Variants in DOCK8 observed in about 807,000 individuals in gnomAD.
DOCK8 encodes dedicator of cytokinesis protein 8.
DOCK8 carries 141 observed loss-of-function variants against 245.6 expected under a neutral mutation model. That is an observed-to-expected ratio of 0.57 (90% CI 0.50 to 0.66). The LOEUF (loss-of-function observed/expected upper bound fraction) is 0.66, where lower values mean the gene tolerates loss of function less well. Among genes scored for constraint, DOCK8 ranks in the 30% least tolerant of loss-of-function variants. DOCK8 has a pLI of 0.00. For synonymous variants in DOCK8, 1,168 were observed against 970.2 expected (o/e 1.20, Z -3.79); for missense variants, 2,965 against 2,603.4 (o/e 1.14, Z -3.02).
chr9:336,298 G>T (rs1293898292), intron 11 of DOCK8, among the ~76,000 whole-genome samples: 2 of 152,234 alleles, frequency 1.3e-5, no homozygotes, highest in Non-Finnish European at 2.9e-5. Context: ...TCTGGCTATA[G>T]CTCTGGACTC....
chr9:446,455 A>C lies in DOCK8; in HGVS notation c.5666A>C (p.Asn1889Thr). 5 of 1,614,040 alleles carry C rather than the reference A, an allele frequency of 3.1e-6. No homozygotes were observed. Among genetic ancestry groups the C allele is most frequent in the Non-Finnish European group, 4.2e-6 (5 of 1,180,006 alleles). Residue 1889 changes from asparagine (N) to threonine (T), a missense_variant, in exon 44 of 48, where the codon AAC (asparagine) becomes ACC (threonine). Transcript: ENST00000432829. ...GTCACATACTTTGAGAAGAATTTCA[A>C]CCTCCGGAGGTTCATGTACACCACC... ...DRVTYFEKNF[N>T]LRRFMYTTPF...
chr9:452,366 A>G, intron 46 of DOCK8: 1 of 289,278 alleles, frequency 3.5e-6, no homozygotes, highest in Non-Finnish European at 6.5e-6. Context: ...TTGAACTACT[A>G]ATGAGTAACT....
intron 24 of DOCK8, among the ~76,000 whole-genome samples, chr9:392,281 A>G (rs1241697434): frequency 6.6e-6 from 1 of 152,184 alleles, no homozygotes; most frequent in Non-Finnish European, 1.5e-5. Context: ...AAGGAAACAA[A>G]TGAACCATCC....
At chr9:217,547 G>A (rs1038161860) in intron 1 of DOCK8, among the ~76,000 whole-genome samples, 7 of 152,304 alleles carry the variant, frequency 4.6e-5, no homozygotes, top group African/African-American at 1.7e-4. Flanking sequence ...AAAATGGATT[G>A]GAAATTCGTA....
intron 2 of DOCK8, among the ~76,000 whole-genome samples, chr9:275,015 G>T (rs1308962065): frequency 2.6e-5 from 4 of 152,214 alleles, no homozygotes; most frequent in Non-Finnish European, 5.9e-5. Flanking sequence ...TTTTGCAAGA[G>T]TGAAGAGCTT....
intron 1 of DOCK8, among the ~76,000 whole-genome samples, chr9:257,865 G>C (rs1164967910): frequency 6.6e-6 from 1 of 152,220 alleles, no homozygotes; most frequent in Non-Finnish European, 1.5e-5. Context: ...CTAGAGTTTA[G>C]GATTCAGTAG....
chr9:326,919 A>G (rs1389890784), intron 8 of DOCK8, among the ~76,000 whole-genome samples: 2 of 152,220 alleles, frequency 1.3e-5, no homozygotes, highest in African/African-American at 2.4e-5. Flanking sequence ...ACTCACCACT[A>G]AAATTCTCAT....
chr9:402,471 C>A (rs555628096), intron 26 of DOCK8, among the ~76,000 whole-genome samples: 57 of 152,302 alleles, frequency 3.7e-4, no homozygotes, highest in African/African-American at 1.3e-3. Context: ...CTGTGTCTGC[C>A]AGTGACATCC....
intron 1 of DOCK8, among the ~76,000 whole-genome samples, chr9:253,242 A>G (rs571793815): frequency 1.3e-5 from 2 of 152,158 alleles, no homozygotes; most frequent in African/African-American, 4.8e-5. Context: ...ACTAAGGTTT[A>G]GTTTGTATGT....
intron 40 of DOCK8, among the ~76,000 whole-genome samples, chr9:440,176 A>T (rs1054652237): frequency 4.6e-5 from 7 of 151,896 alleles, no homozygotes; most frequent in Non-Finnish European, 1.0e-4. Flanking sequence ...GCACCACCAC[A>T]CTCGGCCAAT....
chr9:446,672 C>G, intron 44 of DOCK8, 66 bp downstream of exon 44: 2 of 1,410,904 alleles, frequency 1.4e-6, no homozygotes, highest in Non-Finnish European at 2.0e-6. Context: ...GGAGGACCCA[C>G]AAACCTCTTT....
chr9:312,680 T>G, intron 6 of DOCK8: 1 of 342,494 alleles, frequency 2.9e-6, no homozygotes, highest in African/African-American at 2.1e-5. Context: ...TTTGGGATCT[T>G]GATTGTTTAC....
At chr9:231,852 A>G (rs886232240) in intron 1 of DOCK8, among the ~76,000 whole-genome samples, 4 of 152,168 alleles carry the variant, frequency 2.6e-5, no homozygotes, top group African/African-American at 9.7e-5. Context: ...AACAGGGACA[A>G]TTTGACTTCC....
chr9:350,529 G>C (rs1460634352), intron 14 of DOCK8, among the ~76,000 whole-genome samples: 1 of 152,150 alleles, frequency 6.6e-6, no homozygotes, highest in African/African-American at 2.4e-5. Context: ...GAACATCAAT[G>C]AGATAGTCTT....
intron 7 of DOCK8, among the ~76,000 whole-genome samples, chr9:323,402 T>C (rs1388855968): frequency 6.6e-6 from 1 of 151,902 alleles, no homozygotes; most frequent in Non-Finnish European, 1.5e-5. Context: ...TTTTGTGGTT[T>C]AGTAGAGACA....
intron 10 of DOCK8, among the ~76,000 whole-genome samples, chr9:333,481 T>A (rs112700200): frequency 0.018 from 2,807 of 152,102 alleles, 73 homozygotes; most frequent in African/African-American, 0.062. Context: ...CGTGCCTGTA[T>A]TCCCAGCTTC....
At chr9:399,965 C>T (rs946299251) in intron 26 of DOCK8, among the ~76,000 whole-genome samples, 5 of 151,470 alleles carry the variant, frequency 3.3e-5, no homozygotes, top group Non-Finnish European at 5.9e-5. Context: ...CCACTATCAC[C>T]ACCTTCTCCA....
chr9:215,454 A>G (rs2046728032), intron 1 of DOCK8: 1 of 1,489,796 alleles, frequency 6.7e-7, no homozygotes, highest in Admixed American at 2.4e-5. Context: ...GAAGTGGCTG[A>G]AATTAGAGTT....
chr9:421,662 T>G (rs946074900), intron 32 of DOCK8, among the ~76,000 whole-genome samples: 8 of 152,176 alleles, frequency 5.3e-5, no homozygotes, highest in African/African-American at 1.9e-4. Context: ...GACAGCTTAT[T>G]GTATTCGAAG....
Sources: allele counts gnomAD v4.1 joint callset (sites outside exome capture counted in the v4.1 genomes callset), GRCh38; gene constraint gnomAD v4.1.1; transcripts MANE v1.5; gene names NCBI Gene and HGNC (gene_info 2026-07-23, HGNC 2026-07-21).